Variants in TCAF1 observed in about 807,000 individuals in gnomAD.
TCAF1 encodes TRPM8 channel associated factor 1, also known as TRPM8 channel-associated factor 1.
TCAF1 carries 4 observed loss-of-function variants against 27.3 expected under a neutral mutation model. That is an observed-to-expected ratio of 0.15 (90% CI 0.07 to 0.34). The LOEUF is 0.34. TCAF1 is among the 10% of genes least tolerant of loss of function. The probability of loss-of-function intolerance (pLI) is 1.00; values close to 1 mark genes in which losing one functional copy is unlikely to be tolerated. For missense variants in TCAF1, 257 were observed against 425.8 expected (o/e 0.60, Z 3.49); for synonymous variants, 105 against 167.1 (o/e 0.63, Z 2.87).
chr7:143,892,094 T>C (rs2116853875), intron 1 of TCAF1, among the ~76,000 whole-genome samples: 1 of 152,256 alleles, frequency 6.6e-6, no homozygotes, highest in African/African-American at 2.4e-5. Context: ...ATATAACTAC[T>C]AAAACTAATT....
intron 1 of TCAF1, among the ~76,000 whole-genome samples, chr7:143,898,716 G>A (rs1346542947): frequency 6.6e-6 from 1 of 152,066 alleles, no homozygotes. Flanking sequence ...TGAGGAAAAG[G>A]GCCAATGTCT....
At chr7:143,882,858 C>T (rs1478461777) in intron 1 of TCAF1, 10 of 985,612 alleles carry the variant, frequency 1.0e-5, no homozygotes, top group Non-Finnish European at 1.1e-5. Context: ...GATTTGGGAG[C>T]GGGGAGGAGG....
chr7:143,884,532 T>C (rs1813288427), intron 1 of TCAF1, among the ~76,000 whole-genome samples: 1 of 152,170 alleles, frequency 6.6e-6, no homozygotes, highest in Non-Finnish European at 1.5e-5. Context: ...GGGTCTGCAA[T>C]GTCAGGACTA....
intron 2 of TCAF1, among the ~76,000 whole-genome samples, 193 bp downstream of exon 2, chr7:143,875,796 T>C (rs1812661189): frequency 6.6e-6 from 1 of 152,192 alleles, no homozygotes; most frequent in African/African-American, 2.4e-5. Context: ...TGGTCTGGTT[T>C]GGGAAGACAG....
chr7:143,896,304 T>G (rs1813868415), intron 1 of TCAF1, among the ~76,000 whole-genome samples: 1 of 151,914 alleles, frequency 6.6e-6, no homozygotes, highest in African/African-American at 2.4e-5. Flanking sequence ...AATGTTCAAT[T>G]TACAACAATT....
chr7:143,892,783 T>G (rs1813703875), intron 1 of TCAF1, among the ~76,000 whole-genome samples: 1 of 152,158 alleles, frequency 6.6e-6, no homozygotes, highest in South Asian at 2.1e-4. Flanking sequence ...ATAATGGGAT[T>G]AGTATCTTTA....
At position 143,876,444 on chromosome 7, in the gene TCAF1, G is replaced by A; in HGVS notation, c.165C>T (p.Gly55=). ...GGGACACGACCACCAGGCGGCCACG[G>A]CCATAGGAGGAGGCAGCAATGAGGA... ...GQVLIAASSY[G]RGRLVVVSHE... Residue 55 remains glycine (G), a synonymous_variant, in exon 2 of 9, where the codon GGC becomes GGT. Transcript: ENST00000479870. 1 of 1,609,574 alleles carries A rather than the reference G, an allele frequency of 6.2e-7. No individual in the cohort carries two copies. Among genetic ancestry groups the A allele is most frequent in the Non-Finnish European group, 8.5e-7 (1 of 1,178,058 alleles).
At chr7:143,883,038 A>C (rs1008911731) in intron 1 of TCAF1, 1 of 189,774 alleles carries the variant, frequency 5.3e-6, no homozygotes. Context: ...TGGAGACCCC[A>C]TCCTGGCAGT....
intron 1 of TCAF1, among the ~76,000 whole-genome samples, chr7:143,898,615 G>A (rs1401165557): frequency 2.0e-5 from 3 of 151,942 alleles, no homozygotes; most frequent in Admixed American, 2.0e-4. Flanking sequence ...GACGTGCCTA[G>A]AAATTTAACA....
At chr7:143,874,765 TC>T (rs1812597198) in intron 2 of TCAF1, among the ~76,000 whole-genome samples, 1 of 152,224 alleles carries the variant, frequency 6.6e-6, no homozygotes, top group South Asian at 2.1e-4. Flanking sequence ...AGCATAACCC[TC>T]TTCCTACAAC....
chr7:143,898,079 T>C (rs1421672915), intron 1 of TCAF1, among the ~76,000 whole-genome samples: 1 of 152,128 alleles, frequency 6.6e-6, no homozygotes, highest in African/African-American at 2.4e-5. Flanking sequence ...TACTTTACTA[T>C]GTTGTTAATA....
intron 2 of TCAF1, among the ~76,000 whole-genome samples, chr7:143,875,247 G>A (rs552559423): frequency 1.5e-4 from 23 of 152,196 alleles, no homozygotes; most frequent in Non-Finnish European, 3.1e-4. Context: ...TTCTGCTCCC[G>A]GGACTAATCC....
intron 1 of TCAF1, among the ~76,000 whole-genome samples, chr7:143,876,928 C>T (rs1272216688): frequency 6.6e-6 from 1 of 152,094 alleles, no homozygotes; most frequent in African/African-American, 2.4e-5. Flanking sequence ...AAGTCCTAAC[C>T]CATAGGACTT....
intron 1 of TCAF1, among the ~76,000 whole-genome samples, chr7:143,883,771 T>C (rs1039936828): frequency 2.0e-5 from 3 of 152,150 alleles, no homozygotes; most frequent in Non-Finnish European, 4.4e-5. Flanking sequence ...TCCCAAAGTG[T>C]TGGGATTACA....
At chr7:143,900,461 G>A (rs986521380) in intron 1 of TCAF1, among the ~76,000 whole-genome samples, 1 of 152,028 alleles carries the variant, frequency 6.6e-6, no homozygotes, top group Admixed American at 6.5e-5. Flanking sequence ...GTACAGCCAG[G>A]GTCAGTGAGG....
intron 5 of TCAF1, among the ~76,000 whole-genome samples, 154 bp from the exon 6 acceptor site, chr7:143,860,601 A>C (rs2116708784): frequency 6.6e-6 from 1 of 152,316 alleles, no homozygotes. Context: ...CATGTGCAGG[A>C]CGTGCAGGTT....
intron 1 of TCAF1, among the ~76,000 whole-genome samples, chr7:143,880,733 T>C (rs747179260): frequency 8.5e-5 from 13 of 152,298 alleles, no homozygotes; most frequent in Non-Finnish European, 1.3e-4. Context: ...ATCTATAAAT[T>C]TGATTTCCTC....
chr7:143,860,771 T>A (rs2116710532), intron 5 of TCAF1, among the ~76,000 whole-genome samples: 1 of 145,956 alleles, frequency 6.9e-6, no homozygotes, highest in South Asian at 2.3e-4. Flanking sequence ...GTTGTTCCCC[T>A]CCCTGTGTCC....
At chr7:143,875,114 G>T (rs1369581074) in intron 2 of TCAF1, among the ~76,000 whole-genome samples, 1 of 152,122 alleles carries the variant, frequency 6.6e-6, no homozygotes, top group African/African-American at 2.4e-5. Flanking sequence ...TAGTACCCTT[G>T]GTGTGTCGTC....
Sources: gnomAD v4.1 joint callset for allele counts (sites outside exome capture counted in the v4.1 genomes callset) on GRCh38, gnomAD v4.1.1 for gene constraint, MANE v1.5 for transcripts, NCBI Gene and HGNC (gene_info 2026-07-23, HGNC 2026-07-21) for gene names.